The following PRDM16 variants were observed in gnomAD, a reference collection of about 807,000 sequenced individuals.
The protein encoded by PRDM16 is PR/SET domain 16, also known as histone-lysine N-methyltransferase PRDM16.
PRDM16 carries 23 observed loss-of-function variants against 110.6 expected under a neutral mutation model. That is an observed-to-expected ratio of 0.21 (90% CI 0.15 to 0.29). The LOEUF is 0.29. PRDM16 is among the 10% of genes least tolerant of loss of function. PRDM16 has a pLI of 1.00. For missense variants in PRDM16, 1,615 were observed against 1,794.3 expected (o/e 0.90, Z 1.81); for synonymous variants, 799 against 781.8 (o/e 1.02, Z -0.37).
rs1361983941 is a variant in PRDM16 at position 3,385,108 on chromosome 1, C to A, written c.439-44C>A. On this transcript the variant is annotated intron_variant, in intron 3 of 16. Transcript: ENST00000270722. ...GGCAGAGGCTGTGTGCAGACTCCAG[C>A]ACACAGGGCACCTCTGACTCCCGCT... 3 of 1,608,746 alleles carry A rather than the reference C, an allele frequency of 1.9e-6. No homozygotes were observed. The Admixed American group carries it at 5.0e-5, about 27-fold the overall frequency.
intron 3 of PRDM16, among the ~76,000 whole-genome samples, chr1:3,351,526 C>CTCTCCCCTTCTCTCTCT (rs1252589516): frequency 2.1e-5 from 1 of 47,942 alleles, no homozygotes; most frequent in Admixed American, 1.6e-4. Context: ...TGGAACCCGT[C>CTCTCCCCTTCTCTCTCT]TCTGTCCCCC....
chr1:3,414,735 G>T (rs1450339888), intron 10 of PRDM16, 88 bp downstream of exon 10: 4 of 1,028,276 alleles, frequency 3.9e-6, no homozygotes, highest in South Asian at 1.4e-5. Flanking sequence ...GGCCAGGCTG[G>T]AGCCTAAGTC....
At chr1:3,153,956 G>A (rs944520365) in intron 1 of PRDM16, among the ~76,000 whole-genome samples, 4 of 152,160 alleles carry the variant, frequency 2.6e-5, no homozygotes, top group South Asian at 2.1e-4. Context: ...CTTCCTTTGC[G>A]AGCTCCACGT....
At chr1:3,170,283 T>C (rs116607856) in intron 1 of PRDM16, among the ~76,000 whole-genome samples, 9,418 of 151,892 alleles carry the variant, frequency 0.062, 313 homozygotes, top group Admixed American at 0.077. Flanking sequence ...GGTGCAGAGA[T>C]CCCCCGCTCC....
At chr1:3,070,421 G>A (rs1242363013) in intron 1 of PRDM16, among the ~76,000 whole-genome samples, 7 of 147,894 alleles carry the variant, frequency 4.7e-5, no homozygotes, top group African/African-American at 1.7e-4. Flanking sequence ...CGGAGCCGCG[G>A]CCCGGCCAGC....
At chr1:3,158,864 C>T (rs1027750868) in intron 1 of PRDM16, among the ~76,000 whole-genome samples, 47 of 151,872 alleles carry the variant, frequency 3.1e-4, no homozygotes, top group African/African-American at 1.1e-3. Context: ...ACCCCCGCCT[C>T]CTGGGTTCAA....
At chr1:3,341,600 C>G (rs150250351) in intron 3 of PRDM16, among the ~76,000 whole-genome samples, 1 of 152,198 alleles carries the variant, frequency 6.6e-6, no homozygotes, top group Non-Finnish European at 1.5e-5. Context: ...CCCTAACTTA[C>G]GATCGCTCAA....
chr1:3,269,717 C>T (rs934088505), intron 3 of PRDM16, among the ~76,000 whole-genome samples: 1 of 144,056 alleles, frequency 6.9e-6, no homozygotes, highest in Non-Finnish European at 1.5e-5. Flanking sequence ...AGCACAGTCC[C>T]GGAGGAGGAC....
At chr1:3,273,677 G>A (rs535047044) in intron 3 of PRDM16, among the ~76,000 whole-genome samples, 1 of 152,094 alleles carries the variant, frequency 6.6e-6, no homozygotes, top group East Asian at 1.9e-4. Context: ...ACATTCCTGT[G>A]TGTGTGTGCA....
At chr1:3,372,830 C>T (rs1450082501) in intron 3 of PRDM16, among the ~76,000 whole-genome samples, 1 of 152,320 alleles carries the variant, frequency 6.6e-6, no homozygotes, top group Non-Finnish European at 1.5e-5. Context: ...TCCTCCAGAG[C>T]CTGAGTCAGG....
rs919541383 is a variant in PRDM16 at position 3,434,135 on chromosome 1, C to G, written c.*324C>G. The stretch of plus-strand genomic sequence containing the variant: ...GGTGGACGCTCTGCTGAGACAGAAG[C>G]TGGTGGCCACTGCCGGGTGCCCGCG... On this transcript the variant is annotated 3_prime_UTR_variant, in exon 17 of 17. Transcript: ENST00000270722. The G allele has an allele frequency of 2.9e-6, 1 of 342,630 alleles. No homozygotes were observed. Among genetic ancestry groups the G allele is most frequent in the Non-Finnish European group, 5.3e-6 (1 of 187,436 alleles). The allele number at this position is 342,630 out of a possible 1,614,324, so 21.2% of individuals were successfully genotyped here.
At chr1:3,372,508 G>A (rs1254563260) in intron 3 of PRDM16, among the ~76,000 whole-genome samples, 1 of 152,208 alleles carries the variant, frequency 6.6e-6, no homozygotes, top group Non-Finnish European at 1.5e-5. Context: ...TCCTGTGGGC[G>A]ACCTGGGCTC....
intron 1 of PRDM16, among the ~76,000 whole-genome samples, chr1:3,137,076 A>G (rs781328914): frequency 1.3e-5 from 2 of 152,144 alleles, no homozygotes; most frequent in Non-Finnish European, 2.9e-5. Context: ...TTCACAGGTG[A>G]GGAAAGAGAG....
At chr1:3,420,392 C>T (rs1041589567) in intron 12 of PRDM16, among the ~76,000 whole-genome samples, 4 of 152,222 alleles carry the variant, frequency 2.6e-5, no homozygotes, top group African/African-American at 7.2e-5. Flanking sequence ...CCAGTGTGAG[C>T]CCCTTTCCGG....
At chr1:3,228,717 C>A (rs1183544353) in intron 2 of PRDM16, among the ~76,000 whole-genome samples, 2 of 152,214 alleles carry the variant, frequency 1.3e-5, no homozygotes, top group Non-Finnish European at 2.9e-5. Context: ...AGAACCAGTA[C>A]CACCTAGTTC....
chr1:3,102,525 A>G (rs952667139), intron 1 of PRDM16, among the ~76,000 whole-genome samples: 2 of 152,134 alleles, frequency 1.3e-5, no homozygotes, highest in African/African-American at 4.8e-5. Context: ...CCCGGCCTAG[A>G]CAGGACGGCT....
intron 3 of PRDM16, among the ~76,000 whole-genome samples, chr1:3,289,742 G>A (rs1426384566): frequency 1.3e-5 from 2 of 152,176 alleles, no homozygotes; most frequent in Admixed American, 1.3e-4. Context: ...CATGGAACAT[G>A]GGACAGCCAC....
rs1643291483 is a variant in PRDM16 at position 3,390,999 on chromosome 1, C to G, written c.574-5492C>G. Among the ~76,000 whole-genome samples the G allele has an allele frequency of 6.6e-6, 1 of 152,064 alleles. No individual in the cohort carries two copies. Among genetic ancestry groups the G allele is most frequent in the African/African-American group, 2.4e-5 (1 of 41,408 alleles). On this transcript the variant is annotated intron_variant, in intron 4 of 16. Transcript: ENST00000270722. The surrounding 1 kb of genome is among the most constrained non-coding windows in gnomAD (Gnocchi z 5.0). Reference sequence around the variant, plus strand: ...TACAGGGGCCTGCCACTATGCCTGGCTTATTTTGTATTTTTTAGTAGAGAC... The same window carrying G: ...TACAGGGGCCTGCCACTATGCCTGGGTTATTTTGTATTTTTTAGTAGAGAC...
intron 1 of PRDM16, among the ~76,000 whole-genome samples, chr1:3,095,639 T>C (rs1218115640): frequency 3.3e-5 from 5 of 152,262 alleles, no homozygotes; most frequent in African/African-American, 1.2e-4. Flanking sequence ...TAGGGACCCC[T>C]GTGCTGCCCT....
Sources: gnomAD v4.1 joint callset for allele counts (sites outside exome capture counted in the v4.1 genomes callset) on GRCh38, gnomAD v4.1.1 for gene constraint, Gnocchi (gnomAD v3.1) non-coding constraint, MANE v1.5 for transcripts, NCBI Gene and HGNC (gene_info 2026-07-23, HGNC 2026-07-21) for gene names.